The following DAAM2 variants were observed in gnomAD, a reference collection of about 807,000 sequenced individuals.
DAAM2 encodes the protein dishevelled associated activator of morphogenesis 2.
In DAAM2, 39 loss-of-function variants were observed where a neutral mutation model predicts 120.7. The observed-to-expected ratio is 0.32, with a 90% CI of 0.25 to 0.42. The LOEUF (loss-of-function observed/expected upper bound fraction) is 0.42. Among genes scored for constraint, DAAM2 ranks in the 10% least tolerant of loss-of-function variants. DAAM2 has a pLI of 1.00. For synonymous variants in DAAM2, 488 were observed against 524.9 expected (o/e 0.93, Z 0.96); for missense variants, 1,283 against 1,401.7 (o/e 0.92, Z 1.35).
intron 15 of DAAM2, chr6:39,886,172 C>G (rs1765371581): frequency 2.7e-6 from 1 of 376,940 alleles, no homozygotes; most frequent in Non-Finnish European, 4.7e-6. Flanking sequence ...GGTGGTCGCA[C>G]TAGGCAGATG....
rs367909714 is a variant in DAAM2 at position 39,811,281 on chromosome 6, C to T, written c.-57+18816C>T. On this transcript the variant is annotated intron_variant, in intron 1 of 24. Transcript: ENST00000274867. ...GATCTTCAGGGCCATTCTCACGTGG[C>T]TAAAGAAAATGAAAACCTCATGTGG... is the stretch of plus-strand genomic sequence containing the variant. 7.6e-4 allele frequency among the ~76,000 whole-genome samples: 116 copies of T among 151,918 alleles called. 3 individuals are homozygous for T. The South Asian group carries it at 0.022, about 29-fold the overall frequency.
At chr6:39,857,704 T>C (rs913874381) in intron 2 of DAAM2, among the ~76,000 whole-genome samples, 4 of 152,202 alleles carry the variant, frequency 2.6e-5, no homozygotes, top group African/African-American at 9.6e-5. Flanking sequence ...GACCCTTGCA[T>C]GGCACTTTAG....
At chr6:39,896,762 GCTGCCCTGCCTAGCCCATGCAGGCCTC>G in intron 19 of DAAM2, 23 bp from the exon 20 acceptor site, 2 of 1,470,556 alleles carry the variant, frequency 1.4e-6, no homozygotes, top group Non-Finnish European at 1.8e-6. Flanking sequence ...AATGAGAACT[GCTGCCCTGCCTAGCCCATGCAGGCCTC>G]TGACCTGTGC....
At chr6:39,867,926 C>T in intron 6 of DAAM2, 83 bp downstream of exon 6, 1 of 1,243,180 alleles carries the variant, frequency 8.0e-7, no homozygotes, top group South Asian at 1.4e-5. Flanking sequence ...AGATTCTTTG[C>T]AGCAGAAACT....
chr6:39,817,769 C>A (rs1180363299), intron 1 of DAAM2, among the ~76,000 whole-genome samples: 1 of 152,134 alleles, frequency 6.6e-6, no homozygotes, highest in East Asian at 1.9e-4. Context: ...ATTGGGGGAC[C>A]TCGGTCATTT....
Position 39,891,336 on chromosome 6 carries a change from T to C in DAAM2, c.2146-5T>C, listed in dbSNP as rs766169731. ...GCTTGTGTGACTTGCGCCTGCTCTT[T>C]GCAGCTCCTCAAGTTCATCCCAGAG... On this transcript the variant is annotated splice_region_variant and splice_polypyrimidine_tract_variant and intron_variant, in intron 17 of 24. Coordinates refer to ENST00000274867, the MANE Select transcript of DAAM2 (RefSeq NM_001201427.2). 9 of 1,599,144 alleles carry C rather than the reference T, an allele frequency of 5.6e-6. No homozygotes were observed. The highest frequency in any genetic ancestry group is 1.3e-5 in the African/African-American group (1 of 74,842).
chr6:39,864,235 C>T (rs574589139), intron 3 of DAAM2, among the ~76,000 whole-genome samples, 198 bp from the exon 4 acceptor site: 1 of 152,314 alleles, frequency 6.6e-6, no homozygotes, highest in South Asian at 2.1e-4. Flanking sequence ...GTTGTCTGGC[C>T]ATGAGAGTCA....
intron 3 of DAAM2, among the ~76,000 whole-genome samples, chr6:39,863,738 G>A (rs1764308889): frequency 6.6e-6 from 1 of 152,046 alleles, no homozygotes; most frequent in Non-Finnish European, 1.5e-5. Flanking sequence ...GGGAAGAGTC[G>A]AGCCTGTCTC....
At chr6:39,809,455 T>C (rs1762101877) in intron 1 of DAAM2, among the ~76,000 whole-genome samples, 1 of 152,174 alleles carries the variant, frequency 6.6e-6, no homozygotes, top group Admixed American at 6.5e-5. Flanking sequence ...AGCTGGGGAA[T>C]GGTGAAATGT....
At chr6:39,896,406 G>A (rs9380907) in intron 19 of DAAM2, among the ~76,000 whole-genome samples, 21,723 of 151,972 alleles carry the variant, frequency 0.14, 1,958 homozygotes, top group East Asian at 0.25. Context: ...GTTTCACCAC[G>A]TTGGCCAGGC....
intron 1 of DAAM2, among the ~76,000 whole-genome samples, chr6:39,831,264 C>T (rs574268125): frequency 6.6e-5 from 10 of 152,122 alleles, no homozygotes; most frequent in Admixed American, 2.6e-4. Flanking sequence ...GGTAAGTCTA[C>T]GTGGAAAATG....
At chr6:39,827,655 G>C (rs1762723972) in intron 1 of DAAM2, among the ~76,000 whole-genome samples, 1 of 152,180 alleles carries the variant, frequency 6.6e-6, no homozygotes, top group African/African-American at 2.4e-5. Context: ...TTTTCCTTGG[G>C]GTCCTCATGC....
intron 1 of DAAM2, among the ~76,000 whole-genome samples, chr6:39,832,146 T>C (rs1272979349): frequency 6.6e-6 from 1 of 151,908 alleles, no homozygotes; most frequent in Admixed American, 6.5e-5. Flanking sequence ...TGCTCACTCC[T>C]CTGCAGCTCC....
intron 5 of DAAM2, chr6:39,867,309 G>A (rs1057367667): frequency 1.7e-4 from 102 of 590,550 alleles, no homozygotes; most frequent in Non-Finnish European, 2.9e-4. Flanking sequence ...TGCAAATACA[G>A]AGTATTTAAA....
At chr6:39,832,397 G>T (rs1306677934) in intron 1 of DAAM2, among the ~76,000 whole-genome samples, 5 of 151,736 alleles carry the variant, frequency 3.3e-5, no homozygotes, top group Admixed American at 1.3e-4. Flanking sequence ...CCTTCCTTTT[G>T]TCTATCTGGG....
rs11969999 is a variant in DAAM2 at position 39,865,116 on chromosome 6, A to G, written c.428+42A>G. ...CTCTTGCTTCCTGCTGAGTCCCTTC[A>G]CAGTTGGTCTCCTTGCCTTCCCGAA... On this transcript the variant is annotated intron_variant, in intron 5 of 24. Coordinates refer to ENST00000274867, the MANE Select transcript of DAAM2 (RefSeq NM_001201427.2). 3,460 of 1,215,622 alleles carry G rather than the reference A, an allele frequency of 2.8e-3. 42 individuals carry two copies. The African/African-American group carries it at 0.04, about 14-fold the overall frequency. 75.3% of individuals were successfully genotyped at this position (1,215,622 alleles called of 1,614,324 possible).
chr6:39,820,032 C>T (rs1762436915), intron 1 of DAAM2: 1 of 152,264 alleles, frequency 6.6e-6, no homozygotes, highest in Non-Finnish European at 1.5e-5. Flanking sequence ...ATGTTCAACA[C>T]TCTGCTCGTG....
At chr6:39,898,962 T>C in intron 22 of DAAM2, 25 bp downstream of exon 22, 1 of 1,593,698 alleles carries the variant, frequency 6.3e-7, no homozygotes, top group East Asian at 2.2e-5. Context: ...AGTGCCTACC[T>C]GGGTGAGGGC....
In DAAM2 at chr6:39,887,544, C is replaced by T; in HGVS notation, c.2012C>T (p.Ser671Leu). ...YLASRKVKEL[S>L]VIDGRRAQNC... ...GCTTCCCGCAAGGTCAAAGAGCTGTCGGTCATTGATGGCCGGAGGGCCCAA... is the reference window on the plus strand; with the variant it reads ...GCTTCCCGCAAGGTCAAAGAGCTGTTGGTCATTGATGGCCGGAGGGCCCAA... The change falls in exon 16 of 25, where the codon TCG (serine) becomes TTG (leucine). Residue 671 changes from serine to leucine, a missense_variant. Coordinates refer to ENST00000274867, the MANE Select transcript of DAAM2 (RefSeq NM_001201427.2). 3 of 1,613,780 alleles carry T rather than the reference C, an allele frequency of 1.9e-6. No individual in the cohort carries two copies. Among genetic ancestry groups the T allele is most frequent in the Non-Finnish European group, 2.5e-6 (3 of 1,179,816 alleles).
Sources: gnomAD v4.1 joint callset for allele counts (sites outside exome capture counted in the v4.1 genomes callset) on GRCh38, gnomAD v4.1.1 for gene constraint, MANE v1.5 for transcripts, NCBI Gene and HGNC (gene_info 2026-07-23, HGNC 2026-07-21) for gene names.